The following EAF2 variants were observed in gnomAD, a reference collection of about 807,000 sequenced individuals.
EAF2 encodes the protein ELL associated factor 2, also known as ELL-associated factor 2.
In EAF2, 29 loss-of-function variants were observed where a neutral mutation model predicts 29.4. That is an observed-to-expected ratio of 0.99 (90% CI 0.73 to 1.35). The LOEUF is 1.35. Ranked by LOEUF, EAF2 falls within the 40% of genes most tolerant of loss-of-function variation. EAF2 has a pLI of 0.00. For missense variants in EAF2, 292 were observed against 312.0 expected (o/e 0.94, Z 0.48); for synonymous variants, 103 against 102.5 (o/e 1.00, Z -0.03).
intron 4 of EAF2, among the ~76,000 whole-genome samples, chr3:121,858,240 G>GCC (rs1708759306): frequency 1.3e-5 from 2 of 152,212 alleles, no homozygotes; most frequent in Non-Finnish European, 1.5e-5. Context: ...TTGAGGAATC[G>GCC]CCACACAGTC....
Position 121,872,534 on chromosome 3 carries a change from C to T in EAF2, c.485-3C>T. ...TATCTATTCATTTCTGTCTTATTTT[C>T]AGAACTGAAGGCAGAAGCTAGTCTA... On this transcript the variant is annotated splice_polypyrimidine_tract_variant and splice_region_variant and intron_variant, in intron 4 of 5. Transcript: ENST00000273668. The T allele has an allele frequency of 1.3e-6, 2 of 1,580,492 alleles. No individual in the cohort carries two copies. The highest frequency in any genetic ancestry group is 1.2e-5 in the South Asian group (1 of 85,538).
chr3:121,860,832 A>T (rs1262065702), intron 4 of EAF2, among the ~76,000 whole-genome samples: 3 of 151,966 alleles, frequency 2.0e-5, no homozygotes, highest in Non-Finnish European at 4.4e-5. Flanking sequence ...CCCTCTACAC[A>T]CTGCTTTAAA....
At chr3:121,861,454 G>C (rs1232708883) in intron 4 of EAF2, among the ~76,000 whole-genome samples, 5 of 151,962 alleles carry the variant, frequency 3.3e-5, no homozygotes, top group African/African-American at 9.7e-5. Context: ...GATCTTTGTT[G>C]GTTTAAAGTC....
intron 5 of EAF2, among the ~76,000 whole-genome samples, chr3:121,875,813 C>A: frequency 7.0e-6 from 1 of 143,776 alleles, no homozygotes; most frequent in Non-Finnish European, 1.5e-5. Context: ...TTTAAAAAAC[C>A]AATAAATAAG....
At chr3:121,847,153 A>G (rs1708543376) in intron 2 of EAF2, among the ~76,000 whole-genome samples, 1 of 152,246 alleles carries the variant, frequency 6.6e-6, no homozygotes, top group Non-Finnish European at 1.5e-5. Context: ...ATACAGAAGT[A>G]GACTAGACAC....
chr3:121,837,608 G>A (rs369726759), intron 1 of EAF2: 4 of 152,114 alleles, frequency 2.6e-5, no homozygotes, highest in African/African-American at 9.7e-5. Flanking sequence ...AAATAAGATA[G>A]CATAAACAAC....
rs536429613 is a variant in EAF2, at chr3:121,847,645, A to G, written c.201+3098A>G. On this transcript the variant is annotated intron_variant, in intron 2 of 5. Coordinates refer to ENST00000273668, the MANE Select transcript of EAF2 (RefSeq NM_018456.6). ...CAGTGAAAATGAAAGAGTTGGGGAG[A>G]GGGGGGGAGGAAGTATGCAAGGAGA... is the stretch of plus-strand genomic sequence containing the variant. Among the ~76,000 whole-genome samples, 15 of 151,956 alleles carry G rather than the reference A, an allele frequency of 9.9e-5. No homozygotes were observed. In the East Asian group the frequency reaches 2.9e-3, roughly 29 times the overall value.
chr3:121,853,309 G>C (rs1404701678), intron 2 of EAF2, among the ~76,000 whole-genome samples: 1 of 152,162 alleles, frequency 6.6e-6, no homozygotes, highest in Non-Finnish European at 1.5e-5. Context: ...ACATTTGTCT[G>C]TAAAATGTCC....
chr3:121,880,692 C>T (rs1048907777), intron 5 of EAF2, among the ~76,000 whole-genome samples: 1 of 151,992 alleles, frequency 6.6e-6, no homozygotes, highest in East Asian at 1.9e-4. Flanking sequence ...TGACTTCCTC[C>T]TTTGCAATTT....
chr3:121,843,183 T>C (rs1708464616), intron 1 of EAF2, among the ~76,000 whole-genome samples: 1 of 152,188 alleles, frequency 6.6e-6, no homozygotes, highest in African/African-American at 2.4e-5. Flanking sequence ...AAATATGAAG[T>C]GTTAAGCATG....
At chr3:121,836,842 A>AT in intron 1 of EAF2, 1 of 953,604 alleles carries the variant, frequency 1.0e-6, no homozygotes, top group Non-Finnish European at 1.3e-6. Context: ...AGGGCTTAAG[A>AT]TTATAAAAAT....
At chr3:121,841,360 C>A (rs904373010) in intron 1 of EAF2, among the ~76,000 whole-genome samples, 1 of 150,088 alleles carries the variant, frequency 6.7e-6, no homozygotes, top group African/African-American at 2.5e-5. Flanking sequence ...AAAAATTAGT[C>A]GGGCTGTAGT....
chr3:121,856,943 C>T (rs1345867796), intron 3 of EAF2, 68 bp from the exon 4 acceptor site: 3 of 1,413,444 alleles, frequency 2.1e-6, no homozygotes, highest in Non-Finnish European at 2.9e-6. Context: ...GTTTTAGTAA[C>T]TTTGTAAGTT....
intron 1 of EAF2, among the ~76,000 whole-genome samples, chr3:121,838,386 A>G (rs1708343417): frequency 6.6e-6 from 1 of 152,186 alleles, no homozygotes; most frequent in South Asian, 2.1e-4. Flanking sequence ...GCATACAGAA[A>G]GTATGAATAT....
At chr3:121,857,597 C>T (rs1194541326) in intron 4 of EAF2, among the ~76,000 whole-genome samples, 1 of 151,858 alleles carries the variant, frequency 6.6e-6, no homozygotes, top group Non-Finnish European at 1.5e-5. Flanking sequence ...TGTAATTACG[C>T]ATTTTTCTGG....
rs114592811 is a variant in EAF2, at chr3:121,877,731, A to G, written c.736+4943A>G. On this transcript the variant is annotated intron_variant, in intron 5 of 5. Coordinates refer to ENST00000273668, the MANE Select transcript of EAF2 (RefSeq NM_018456.6). ...TAGCAGTTTTGGTACTTCCAAGGAAATGTCTTAAAGGAGAATAGGAAATTT... is the reference window on the plus strand; with the variant it reads ...TAGCAGTTTTGGTACTTCCAAGGAAGTGTCTTAAAGGAGAATAGGAAATTT... Among the ~76,000 whole-genome samples, 227 of 152,136 alleles carry G rather than the reference A, an allele frequency of 1.5e-3. 1 individual carries two copies. Among genetic ancestry groups the G allele is most frequent in the African/African-American group, 5.1e-3 (214 of 41,576 alleles).
intron 1 of EAF2, chr3:121,836,610 G>T: frequency 1.0e-6 from 1 of 985,776 alleles, no homozygotes; most frequent in Non-Finnish European, 1.2e-6. Flanking sequence ...AGTGTCCCTT[G>T]TTTATTCTTC....
At chr3:121,844,631 G>A in intron 2 of EAF2, 84 bp downstream of exon 2, 1 of 895,886 alleles carries the variant, frequency 1.1e-6, no homozygotes, top group Admixed American at 2.6e-5. Context: ...AATTTGTGTA[G>A]TGATAATTGG....
chr3:121,871,094 T>C (rs1018714520), intron 4 of EAF2, among the ~76,000 whole-genome samples: 19 of 151,976 alleles, frequency 1.3e-4, no homozygotes, highest in African/African-American at 4.1e-4. Context: ...ATAACAACTT[T>C]ATTAATAATA....
Sources: allele counts gnomAD v4.1 joint callset (sites outside exome capture counted in the v4.1 genomes callset), GRCh38; gene constraint gnomAD v4.1.1; transcripts MANE v1.5; gene names NCBI Gene and HGNC (gene_info 2026-07-23, HGNC 2026-07-21).